Variants in RIMS2 observed in about 807,000 individuals in gnomAD.
RIMS2 encodes regulating synaptic membrane exocytosis 2, also known as regulating synaptic membrane exocytosis protein 2.
RIMS2 carries 59 observed loss-of-function variants against 174.4 expected under a neutral mutation model. The ratio of observed to expected loss-of-function variants is 0.34; its 90% CI spans 0.27 to 0.42. The LOEUF is 0.42. Ranked by LOEUF, RIMS2 falls within the 10% of genes least tolerant of loss-of-function variation. The probability of loss-of-function intolerance (pLI) is 1.00; values close to 1 mark genes in which losing one functional copy is unlikely to be tolerated. For synonymous variants in RIMS2, 606 were observed against 572.5 expected (o/e 1.06, Z -0.84); for missense variants, 1,620 against 1,666.3 (o/e 0.97, Z 0.48).
At chr8:103,607,904 A>G (rs1463821780) in intron 1 of RIMS2, among the ~76,000 whole-genome samples, 1 of 135,824 alleles carries the variant, frequency 7.4e-6, no homozygotes, top group African/African-American at 2.9e-5. Context: ...ACATTCTTCT[A>G]AATTTTTTTC....
intron 3 of RIMS2, among the ~76,000 whole-genome samples, chr8:103,842,890 T>G (rs1173641124): frequency 2.0e-5 from 3 of 152,206 alleles, no homozygotes; most frequent in African/African-American, 4.8e-5. Flanking sequence ...GGAGGTTTGG[T>G]TTCTTCTGAA....
intron 1 of RIMS2, among the ~76,000 whole-genome samples, chr8:103,673,438 A>G (rs1009198654): frequency 6.6e-6 from 1 of 152,120 alleles, no homozygotes; most frequent in Non-Finnish European, 1.5e-5. Flanking sequence ...TTTTTCATAC[A>G]TCCTCTCAAA....
intron 1 of RIMS2, among the ~76,000 whole-genome samples, chr8:103,540,729 G>A (rs1432599957): frequency 6.6e-6 from 1 of 152,070 alleles, no homozygotes; most frequent in Admixed American, 6.6e-5. Context: ...AGGAATCTCA[G>A]CAAATGTCAA....
intron 19 of RIMS2, among the ~76,000 whole-genome samples, chr8:104,060,760 G>A (rs1209125400): frequency 6.6e-6 from 1 of 152,108 alleles, no homozygotes; most frequent in Admixed American, 6.5e-5. Context: ...AGAGATTGTG[G>A]TATGTTGTGT....
intron 3 of RIMS2, among the ~76,000 whole-genome samples, chr8:103,879,295 A>G (rs1455672542): frequency 2.0e-5 from 3 of 151,526 alleles, no homozygotes; most frequent in African/African-American, 4.8e-5. Flanking sequence ...GAACACCACC[A>G]AGAGAACTCA....
At chr8:104,235,994 C>A (rs1431970650) in intron 19 of RIMS2, among the ~76,000 whole-genome samples, 1 of 151,556 alleles carries the variant, frequency 6.6e-6, no homozygotes, top group East Asian at 1.9e-4. Context: ...AGTACTTTCC[C>A]TTTTGTTTTT....
intron 19 of RIMS2, among the ~76,000 whole-genome samples, chr8:104,049,298 A>G (rs1160101378): frequency 4.6e-5 from 7 of 152,098 alleles, no homozygotes; most frequent in Non-Finnish European, 7.4e-5. Flanking sequence ...GTGTGCCTGT[A>G]GTCCCAGCTA....
intron 19 of RIMS2, among the ~76,000 whole-genome samples, chr8:104,070,383 G>T (rs1371994887): frequency 2.0e-5 from 3 of 152,162 alleles, no homozygotes; most frequent in Non-Finnish European, 2.9e-5. Context: ...TACTCAGTAG[G>T]TTCTAAATTT....
chr8:104,071,564 A>C (rs1035216882), intron 19 of RIMS2, among the ~76,000 whole-genome samples: 5 of 152,136 alleles, frequency 3.3e-5, no homozygotes, highest in Admixed American at 6.5e-5. Context: ...CCTCCTGAGT[A>C]GCTGGGACTA....
intron 1 of RIMS2, among the ~76,000 whole-genome samples, chr8:103,579,259 TCTCACACACACACAGACA>T (rs1287763762): frequency 6.7e-4 from 40 of 59,862 alleles, no homozygotes; most frequent in African/African-American, 2.6e-3. Context: ...TCTGTCTCTG[TCTCACACACACACAGACA>T]CACACACACA....
At chr8:104,072,607 A>G (rs13439649) in intron 19 of RIMS2, among the ~76,000 whole-genome samples, 2,390 of 152,212 alleles carry the variant, frequency 0.016, 58 homozygotes, top group African/African-American at 0.053. Context: ...CTGAAATTCC[A>G]GTGACACAAT....
At chr8:103,770,482 A>G (rs1389915644) in intron 3 of RIMS2, among the ~76,000 whole-genome samples, 2 of 152,170 alleles carry the variant, frequency 1.3e-5, no homozygotes, top group African/African-American at 2.4e-5. Flanking sequence ...AGGCTGAGGT[A>G]GCAGAATCGC....
chr8:104,144,649 T>C (rs527406619), intron 19 of RIMS2, among the ~76,000 whole-genome samples: 2 of 152,270 alleles, frequency 1.3e-5, no homozygotes, highest in Admixed American at 1.3e-4. Context: ...GGTCACAGTA[T>C]ATCCTTTCAT....
intron 19 of RIMS2, among the ~76,000 whole-genome samples, chr8:104,164,219 A>G (rs2098782516): frequency 6.6e-6 from 1 of 152,058 alleles, no homozygotes; most frequent in Non-Finnish European, 1.5e-5. Context: ...ATAAATGACC[A>G]AAGTTTTCTG....
In RIMS2 at chr8:104,228,720, T is replaced by G. The variant is rs140866602; in HGVS notation, c.3335-16196T>G. On this transcript the variant is annotated intron_variant, in intron 19 of 23. Transcript: ENST00000504942. ...TGATCATAGTTTTTACCCATCTTCATGAAGCCAACCTTGGAAGCAGGACAT... is the reference window on the plus strand; with the variant it reads ...TGATCATAGTTTTTACCCATCTTCAGGAAGCCAACCTTGGAAGCAGGACAT... Among the ~76,000 whole-genome samples, 6 of 152,356 alleles carry G rather than the reference T, an allele frequency of 3.9e-5. No homozygotes were observed. The East Asian group carries it at 1.2e-3, about 29-fold the overall frequency.
chr8:104,233,064 G>T (rs1266573542), intron 19 of RIMS2, among the ~76,000 whole-genome samples: 2 of 151,962 alleles, frequency 1.3e-5, no homozygotes, highest in East Asian at 3.9e-4. Flanking sequence ...TTTGTTCATT[G>T]AGCATAAGCA....
intron 3 of RIMS2, among the ~76,000 whole-genome samples, chr8:103,770,018 GTATTTCTTT>G (rs1418615594): frequency 6.6e-6 from 1 of 152,060 alleles, no homozygotes; most frequent in Non-Finnish European, 1.5e-5. Context: ...ACTTTAAAGA[GTATTTCTTT>G]TATTTTAAAA....
At chr8:103,754,620 G>A (rs576934691) in intron 2 of RIMS2, among the ~76,000 whole-genome samples, 1 of 152,146 alleles carries the variant, frequency 6.6e-6, no homozygotes, top group African/African-American at 2.4e-5. Flanking sequence ...ATCCTGTATT[G>A]AGTATATATA....
At chr8:103,580,113 C>G (rs1198836019) in intron 1 of RIMS2, among the ~76,000 whole-genome samples, 1 of 151,982 alleles carries the variant, frequency 6.6e-6, no homozygotes, top group Non-Finnish European at 1.5e-5. Context: ...CTAAAGGACA[C>G]AGTAAGAAAG....
Sources: allele counts gnomAD v4.1 joint callset (sites outside exome capture counted in the v4.1 genomes callset), GRCh38; gene constraint gnomAD v4.1.1; transcripts MANE v1.5; gene names NCBI Gene and HGNC (gene_info 2026-07-23, HGNC 2026-07-21).